The following TRHDE variants were observed in gnomAD, a reference collection of about 807,000 sequenced individuals.
The protein encoded by TRHDE is thyrotropin-releasing hormone-degrading ectoenzyme.
A neutral mutation model predicts 125.7 loss-of-function variants in TRHDE; 72 were observed. That is an observed-to-expected ratio of 0.57 (90% CI 0.47 to 0.70). TRHDE has a LOEUF of 0.70. Ranked by LOEUF, TRHDE falls within the 30% of genes least tolerant of loss-of-function variation. The pLI is 0.00. For synonymous variants in TRHDE, 509 were observed against 509.1 expected (o/e 1.00, Z 0.00); for missense variants, 1,110 against 1,327.1 (o/e 0.84, Z 2.54).
intron 3 of TRHDE, among the ~76,000 whole-genome samples, chr12:72,463,394 A>G (rs1284797405): frequency 6.6e-6 from 1 of 152,240 alleles, no homozygotes; most frequent in Non-Finnish European, 1.5e-5. Context: ...GAATGAACTG[A>G]TAAGTTTGAG....
At chr12:72,439,728 C>A (rs988597427) in intron 3 of TRHDE, among the ~76,000 whole-genome samples, 4 of 151,764 alleles carry the variant, frequency 2.6e-5, no homozygotes, top group African/African-American at 4.8e-5. Flanking sequence ...TATTTAGATG[C>A]ATTTTCTTTC....
intron 2 of TRHDE, among the ~76,000 whole-genome samples, chr12:72,164,659 A>G (rs11179097): frequency 0.11 from 16,136 of 152,184 alleles, 1,527 homozygotes; most frequent in African/African-American, 0.25. Flanking sequence ...TAACCACACG[A>G]CCCAGTGATG....
intron 2 of TRHDE, among the ~76,000 whole-genome samples, chr12:72,328,021 A>G (rs1869418218): frequency 6.6e-6 from 1 of 152,144 alleles, no homozygotes; most frequent in Non-Finnish European, 1.5e-5. Flanking sequence ...ATTTTTGCAT[A>G]CTGACATGCA....
At chr12:72,161,082 C>T (rs1471687227) in intron 2 of TRHDE, among the ~76,000 whole-genome samples, 1 of 152,118 alleles carries the variant, frequency 6.6e-6, no homozygotes, top group Non-Finnish European at 1.5e-5. Flanking sequence ...ATGACCTGCT[C>T]CTCTTAGTTG....
intron 3 of TRHDE, among the ~76,000 whole-genome samples, chr12:72,407,032 C>T (rs1014573073): frequency 3.9e-5 from 6 of 152,094 alleles, no homozygotes; most frequent in African/African-American, 7.2e-5. Flanking sequence ...TACTCTTCAG[C>T]GTGATCAAGG....
At chr12:72,590,092 A>G (rs1041625613) in intron 12 of TRHDE, among the ~76,000 whole-genome samples, 1 of 151,968 alleles carries the variant, frequency 6.6e-6, no homozygotes, top group Non-Finnish European at 1.5e-5. Context: ...TTCAGTTTAA[A>G]ATATTTTCTA....
chr12:72,416,832 T>G (rs959565534), intron 3 of TRHDE, among the ~76,000 whole-genome samples: 5 of 152,146 alleles, frequency 3.3e-5, no homozygotes, highest in Non-Finnish European at 7.4e-5. Flanking sequence ...ATTGTCCTTT[T>G]TGCTCTGGAT....
At chr12:72,571,752 T>C (rs994912977) in intron 10 of TRHDE, among the ~76,000 whole-genome samples, 1 of 152,000 alleles carries the variant, frequency 6.6e-6, no homozygotes, top group African/African-American at 2.4e-5. Context: ...ATCCTGAAAA[T>C]TAAAGCAAAC....
chr12:72,636,581 C>G (rs953620034), intron 15 of TRHDE, among the ~76,000 whole-genome samples: 4 of 151,674 alleles, frequency 2.6e-5, no homozygotes, highest in Admixed American at 6.6e-5. Context: ...TGTCTTGTGC[C>G]AGTTTTCAAA....
In TRHDE at chr12:72,198,993, C is replaced by T. The variant is rs140523086; in HGVS notation, n.279+93241C>T. 3.4e-4 allele frequency among the ~76,000 whole-genome samples: 52 copies of T among 152,164 alleles called. No individual in the cohort carries two copies. In the East Asian group the frequency reaches 9.9e-3, roughly 29 times the overall value. ...AGAGAATGAGGCAGGAACTGCCACA[C>T]ACTTTTAAATCAGATCTCGTGAGAA... On this transcript the variant is annotated intron_variant and non_coding_transcript_variant, in intron 2 of 4. Transcript: ENST00000548156.
At chr12:72,136,903 T>C (rs1230284342) in intron 2 of TRHDE, among the ~76,000 whole-genome samples, 1 of 152,200 alleles carries the variant, frequency 6.6e-6, no homozygotes, top group East Asian at 1.9e-4. Context: ...AAGCTTCCTC[T>C]TCCTGCACCC....
chr12:72,490,535 C>T (rs1019584166), intron 5 of TRHDE, among the ~76,000 whole-genome samples: 16 of 151,668 alleles, frequency 1.1e-4, no homozygotes, highest in Middle Eastern at 3.4e-3. Context: ...TTCACTGAAG[C>T]ATTAGTCACA....
chr12:72,602,856 T>TCC (rs1379864488), intron 12 of TRHDE, among the ~76,000 whole-genome samples: 2 of 152,162 alleles, frequency 1.3e-5, no homozygotes, highest in African/African-American at 2.4e-5. Flanking sequence ...TTCCCCACAA[T>TCC]TGCCCTTTAG....
intron 2 of TRHDE, among the ~76,000 whole-genome samples, chr12:72,199,676 A>T (rs1877516888): frequency 6.6e-6 from 1 of 152,222 alleles, no homozygotes; most frequent in African/African-American, 2.4e-5. Context: ...AGATAAAGAC[A>T]TAGTAAACTA....
intron 2 of TRHDE, among the ~76,000 whole-genome samples, chr12:72,189,415 C>A (rs1877294060): frequency 6.6e-6 from 1 of 152,214 alleles, no homozygotes; most frequent in African/African-American, 2.4e-5. Context: ...AACCCTCCAA[C>A]TTTCCTGCTT....
At chr12:72,479,995 TC>T in intron 5 of TRHDE, among the ~76,000 whole-genome samples, 1 of 151,416 alleles carries the variant, frequency 6.6e-6, no homozygotes, top group African/African-American at 2.4e-5. Flanking sequence ...CATGAACTCA[TC>T]CTTTTTTATG....
At chr12:72,134,677 C>G (rs757031859) in intron 2 of TRHDE, among the ~76,000 whole-genome samples, 1 of 152,006 alleles carries the variant, frequency 6.6e-6, no homozygotes, top group African/African-American at 2.4e-5. Flanking sequence ...ACTCCTAATA[C>G]GTAGGAGTTC....
intron 6 of TRHDE, among the ~76,000 whole-genome samples, chr12:72,540,413 G>A (rs1869086788): frequency 6.6e-6 from 1 of 151,654 alleles, no homozygotes; most frequent in Non-Finnish European, 1.5e-5. Flanking sequence ...CATTCTTTAT[G>A]ATCAGAAAGC....
chr12:72,206,934 CTTG>C (rs1380115331), intron 2 of TRHDE, among the ~76,000 whole-genome samples: 1 of 151,902 alleles, frequency 6.6e-6, no homozygotes, highest in Non-Finnish European at 1.5e-5. Flanking sequence ...AGTAAAGAAA[CTTG>C]TTGAAAGCAA....
Sources: gnomAD v4.1 joint callset for allele counts (sites outside exome capture counted in the v4.1 genomes callset) on GRCh38, gnomAD v4.1.1 for gene constraint, MANE v1.5 for transcripts, NCBI Gene and HGNC (gene_info 2026-07-23, HGNC 2026-07-21) for gene names.